HDAC9: variants seen among roughly 807,000 people sequenced by gnomAD.
HDAC9 encodes histone deacetylase 9.
Under a neutral mutation model 139.4 loss-of-function variants are expected in HDAC9, and 41 were observed. The observed-to-expected ratio is 0.29, with a 90% CI of 0.23 to 0.38. The LOEUF (loss-of-function observed/expected upper bound fraction) is 0.38. Among genes scored for constraint, HDAC9 ranks in the 10% least tolerant of loss-of-function variants. The probability of loss-of-function intolerance (pLI) is 1.00; values close to 1 mark genes in which losing one functional copy is unlikely to be tolerated. For synonymous variants in HDAC9, 517 were observed against 476.2 expected (o/e 1.09, Z -1.12); for missense variants, 1,147 against 1,297.0 (o/e 0.88, Z 1.78).
At chr7:18,919,925 T>C (rs1182607890) in intron 22 of HDAC9, among the ~76,000 whole-genome samples, 1 of 152,124 alleles carries the variant, frequency 6.6e-6, no homozygotes, top group African/African-American at 2.4e-5. Context: ...TGAAGTCAGG[T>C]AGCATGATGC....
chr7:18,710,245 A>G (rs997954510), intron 12 of HDAC9, among the ~76,000 whole-genome samples: 4 of 152,228 alleles, frequency 2.6e-5, no homozygotes, highest in African/African-American at 4.8e-5. Flanking sequence ...CGTGGGAATT[A>G]TGAGAGCTAC....
intron 1 of HDAC9, among the ~76,000 whole-genome samples, chr7:18,139,221 G>C (rs969289375): frequency 6.6e-6 from 1 of 150,730 alleles, no homozygotes; most frequent in Non-Finnish European, 1.5e-5. Flanking sequence ...GACCTCCTGG[G>C]CTCAAGCTAT....
chr7:18,855,667 T>C (rs1797622033), intron 21 of HDAC9, among the ~76,000 whole-genome samples: 2 of 151,960 alleles, frequency 1.3e-5, no homozygotes, highest in Non-Finnish European at 2.9e-5. Context: ...CTTATTTTTC[T>C]GCTTGCCGTT....
chr7:18,717,821 A>G (rs1410877294), intron 12 of HDAC9, among the ~76,000 whole-genome samples: 1 of 152,228 alleles, frequency 6.6e-6, no homozygotes, highest in Admixed American at 6.5e-5. Flanking sequence ...TCACTACATA[A>G]ATATGTGATA....
At chr7:18,526,789 T>C (rs564441194) in intron 2 of HDAC9, among the ~76,000 whole-genome samples, 1 of 152,184 alleles carries the variant, frequency 6.6e-6, no homozygotes, top group South Asian at 2.1e-4. Context: ...TATCCTGAAG[T>C]ACAGCCTGAG....
At chr7:18,755,644 G>A (rs903290398) in intron 14 of HDAC9, among the ~76,000 whole-genome samples, 1 of 151,990 alleles carries the variant, frequency 6.6e-6, no homozygotes, top group Non-Finnish European at 1.5e-5. Context: ...TTAGACTAAG[G>A]GATAACATTT....
At chr7:18,981,925 T>C (rs1784977932) in intron 25 of HDAC9, among the ~76,000 whole-genome samples, 1 of 151,952 alleles carries the variant, frequency 6.6e-6, no homozygotes, top group African/African-American at 2.4e-5. Context: ...TTTGATAAGA[T>C]TGAAATAGGG....
rs1554396669 is a variant in HDAC9, at chr7:18,897,833, A to AAG, written c.2803+23238_2803+23239insGA. Among the ~76,000 whole-genome samples, 259 of 150,128 alleles carry AAG rather than the reference A, an allele frequency of 1.7e-3. 2 individuals carry two copies. The highest frequency in any genetic ancestry group is 2.6e-3 in the Admixed American group (39 of 15,054). ...ATGGTTACTTAAAAAAAAAAAAAAA[A>AAG]ATCCCTCCATTTCAGCTAAGGGTCT... On this transcript the variant is annotated intron_variant, in intron 22 of 25. Coordinates refer to ENST00000686413, the MANE Select transcript of HDAC9 (RefSeq NM_178425.4).
chr7:18,797,884 T>G (rs191624895), intron 17 of HDAC9, among the ~76,000 whole-genome samples: 308 of 152,224 alleles, frequency 2.0e-3, no homozygotes, highest in Non-Finnish European at 3.9e-3. Flanking sequence ...TGCTTTTTGC[T>G]TTATAAAAAT....
At chr7:18,329,373 C>A (rs1800725878) in intron 1 of HDAC9, among the ~76,000 whole-genome samples, 1 of 151,666 alleles carries the variant, frequency 6.6e-6, no homozygotes, top group Non-Finnish European at 1.5e-5. Flanking sequence ...TAACTTGATG[C>A]ATCTTTCTAC....
intron 2 of HDAC9, among the ~76,000 whole-genome samples, chr7:18,246,473 C>T (rs994951971): frequency 2.6e-5 from 4 of 152,058 alleles, no homozygotes; most frequent in Non-Finnish European, 5.9e-5. Context: ...ATTTTTATCA[C>T]CCCAAAGGAG....
At chr7:18,824,998 T>C (rs73065899) in intron 17 of HDAC9, among the ~76,000 whole-genome samples, 6,108 of 152,328 alleles carry the variant, frequency 0.04, 154 homozygotes, top group Non-Finnish European at 0.06. Context: ...AGAGAACTCA[T>C]TGGTCTCTGA....
intron 2 of HDAC9, among the ~76,000 whole-genome samples, chr7:18,210,667 G>T (rs1034412039): frequency 2.0e-5 from 3 of 152,092 alleles, no homozygotes; most frequent in Non-Finnish European, 4.4e-5. Flanking sequence ...AAGTTAATAT[G>T]GCTAAGTAAT....
At chr7:18,982,372 C>T (rs1324340370) in intron 25 of HDAC9, among the ~76,000 whole-genome samples, 1 of 152,078 alleles carries the variant, frequency 6.6e-6, no homozygotes, top group Non-Finnish European at 1.5e-5. Context: ...TAAAGATCAT[C>T]ATCTTCAATA....
intron 12 of HDAC9, among the ~76,000 whole-genome samples, chr7:18,670,688 A>G (rs886789958): frequency 1.3e-5 from 2 of 151,982 alleles, no homozygotes; most frequent in South Asian, 4.1e-4. Context: ...CCTGTTCTCA[A>G]CCTTTACCAT....
intron 13 of HDAC9, among the ~76,000 whole-genome samples, chr7:18,737,590 G>T (rs1451873213): frequency 6.6e-6 from 1 of 152,184 alleles, no homozygotes; most frequent in African/African-American, 2.4e-5. Flanking sequence ...ACTTAATCCT[G>T]AGTTCTAATT....
At chr7:18,605,657 T>C (rs1406902211) in intron 6 of HDAC9, among the ~76,000 whole-genome samples, 1 of 152,132 alleles carries the variant, frequency 6.6e-6, no homozygotes, top group African/African-American at 2.4e-5. Context: ...AGGATTCTTC[T>C]GAGACTGGGC....
At chr7:18,292,774 C>T (rs1289479929) in intron 1 of HDAC9, among the ~76,000 whole-genome samples, 1 of 152,048 alleles carries the variant, frequency 6.6e-6, no homozygotes, top group Non-Finnish European at 1.5e-5. Flanking sequence ...CATTGATGCG[C>T]TGCAGAAATA....
chr7:18,217,571 A>C (rs1792407374), intron 2 of HDAC9, among the ~76,000 whole-genome samples: 1 of 152,170 alleles, frequency 6.6e-6, no homozygotes. Flanking sequence ...GGAACATTTA[A>C]TATGGAGTTG....
Sources: gnomAD v4.1 joint callset for allele counts (sites outside exome capture counted in the v4.1 genomes callset) on GRCh38, gnomAD v4.1.1 for gene constraint, MANE v1.5 for transcripts, NCBI Gene and HGNC (gene_info 2026-07-23, HGNC 2026-07-21) for gene names.